The following TSNARE1 variants were observed in gnomAD, a reference collection of about 807,000 sequenced individuals.
TSNARE1 encodes the protein t-SNARE domain-containing protein 1.
In TSNARE1, 49 loss-of-function variants were observed where a neutral mutation model predicts 62.0. The observed-to-expected ratio is 0.79, with a 90% CI of 0.63 to 1.00. The LOEUF (loss-of-function observed/expected upper bound fraction) is 1.00, where lower values mean the gene tolerates loss of function less well. TSNARE1 is among the 50% of genes least tolerant of loss of function. TSNARE1 has a pLI of 0.00. For missense variants in TSNARE1, 755 were observed against 700.1 expected (o/e 1.08, Z -0.88); for synonymous variants, 328 against 294.4 (o/e 1.11, Z -1.17).
intron 11 of TSNARE1, chr8:142,277,068 C>T (rs1820616820): frequency 8.1e-6 from 8 of 985,390 alleles, no homozygotes; most frequent in Non-Finnish European, 8.4e-6. Context: ...TACTGAGCGA[C>T]ACTCCAATAC....
At chr8:142,386,337 G>A (rs1244291359) in intron 1 of TSNARE1, among the ~76,000 whole-genome samples, 1 of 152,040 alleles carries the variant, frequency 6.6e-6, no homozygotes, top group Non-Finnish European at 1.5e-5. Flanking sequence ...AGGCATTTAT[G>A]AATTACATAA....
intron 12 of TSNARE1, chr8:142,247,574 G>A (rs1194879060): frequency 1.3e-5 from 2 of 152,252 alleles, no homozygotes; most frequent in African/African-American, 4.8e-5. Flanking sequence ...TCTCGCCCAT[G>A]TGATGTTTTA....
At chr8:142,215,198 C>T (rs1232769124) in intron 13 of TSNARE1, among the ~76,000 whole-genome samples, 1 of 152,212 alleles carries the variant, frequency 6.6e-6, no homozygotes. Context: ...GTTTCCAACT[C>T]CCAGGCACTG....
intron 13 of TSNARE1, among the ~76,000 whole-genome samples, chr8:142,223,314 T>C (rs1816577790): frequency 2.6e-4 from 2 of 7,592 alleles, no homozygotes; most frequent in Admixed American, 1.3e-3. Flanking sequence ...ACTCATTCAC[T>C]CACTCATTCA....
chr8:142,223,949 G>GCCCTGTCTTGTA (rs56243627), intron 13 of TSNARE1, among the ~76,000 whole-genome samples: 1 of 151,888 alleles, frequency 6.6e-6, no homozygotes, highest in Non-Finnish European at 1.5e-5. Context: ...ACCCAGGGGA[G>GCCCTGTCTTGTA]GGCTTTCTGC....
intron 13 of TSNARE1, among the ~76,000 whole-genome samples, chr8:142,212,661 C>A: frequency 6.6e-6 from 1 of 152,060 alleles, no homozygotes; most frequent in Non-Finnish European, 1.5e-5. Context: ...CGGAGCTCCC[C>A]AGGCCCAGTA....
rs71513659 is a variant in TSNARE1, at chr8:142,358,015, G to A, written c.-39-3252C>T. Among the ~76,000 whole-genome samples the A allele has an allele frequency of 2.3e-3, 227 of 99,824 alleles. 1 individual carries two copies. Among genetic ancestry groups the A allele is most frequent in the African/African-American group, 0.01 (189 of 18,092 alleles). The allele number at this position is 99,824 out of a possible 152,430, so 65.5% of individuals were successfully genotyped here. On this transcript the variant is annotated intron_variant, in intron 1 of 13. Transcript: ENST00000524325. ...AGCGGCCATCACTGCAAAGGGCGGC[G>A]GGGTCTGCTGGGTTTCAGGACAAGG...
At chr8:142,313,513 A>T (rs1186573839) in intron 9 of TSNARE1, among the ~76,000 whole-genome samples, 2 of 150,566 alleles carry the variant, frequency 1.3e-5, no homozygotes, top group East Asian at 3.9e-4. Context: ...GCATGTGTCT[A>T]CATGTCTGTG....
chr8:142,232,808 G>A (rs961166231), intron 12 of TSNARE1, among the ~76,000 whole-genome samples: 8 of 152,354 alleles, frequency 5.3e-5, no homozygotes, highest in African/African-American at 1.9e-4. Flanking sequence ...AGAGGCAGAG[G>A]CAGAGGCAGG....
chr8:142,277,649 A>C (rs1439944437), intron 11 of TSNARE1: 4 of 985,322 alleles, frequency 4.1e-6, no homozygotes, highest in Non-Finnish European at 4.8e-6. Context: ...TCAACACGTC[A>C]GTTGCTGTCA....
In TSNARE1 at chr8:142,276,342, G is replaced by T. The variant is rs992854531; in HGVS notation, c.1364-1479C>A. ...GAGCCAATGGAGGAGGAGAGGGAAG[G>T]AAGATGGGGCCAGAGGTGTGACGGA... On this transcript the variant is annotated intron_variant, in intron 11 of 13. Coordinates refer to ENST00000524325, the MANE Select transcript of TSNARE1 (RefSeq NM_145003.5). 1.7e-5 allele frequency: 17 copies of T among 985,480 alleles called. No individual in the cohort carries two copies. In the African/African-American group the frequency reaches 3.0e-4, roughly 17 times the overall value. 61.0% of individuals were successfully genotyped at this position (985,480 alleles called of 1,614,324 possible). A position where few individuals can be genotyped will look rare whatever the true frequency, so the allele number is the denominator to read the frequency against.
intron 12 of TSNARE1, among the ~76,000 whole-genome samples, chr8:142,249,637 T>C (rs894763864): frequency 2.6e-5 from 4 of 152,178 alleles, no homozygotes; most frequent in African/African-American, 9.7e-5. Context: ...CACCTCTCCC[T>C]CCTCCGCCCA....
chr8:142,303,981 T>C (rs1177363472), intron 9 of TSNARE1, among the ~76,000 whole-genome samples: 1 of 152,230 alleles, frequency 6.6e-6, no homozygotes, highest in Non-Finnish European at 1.5e-5. Context: ...AAAGGGCACC[T>C]TGCCCAGGTC....
chr8:142,222,687 C>T (rs1816419031), intron 13 of TSNARE1, among the ~76,000 whole-genome samples: 1 of 61,898 alleles, frequency 1.6e-5, no homozygotes, highest in African/African-American at 4.8e-5. Flanking sequence ...CACTCATCCA[C>T]TCACTCACTC....
intron 12 of TSNARE1, among the ~76,000 whole-genome samples, chr8:142,255,722 T>C (rs980784427): frequency 9.6e-4 from 11 of 11,496 alleles, no homozygotes; most frequent in Admixed American, 1.5e-3. Flanking sequence ...ATCATCACCA[T>C]CACCACCACC....
intron 9 of TSNARE1, among the ~76,000 whole-genome samples, chr8:142,307,660 T>A (rs1259880545): frequency 1.3e-5 from 2 of 152,230 alleles, no homozygotes; most frequent in Admixed American, 1.3e-4. Flanking sequence ...CTGCCATCTT[T>A]TAAAAATATT....
intron 12 of TSNARE1, chr8:142,269,897 A>G (rs1235502280): frequency 5.1e-6 from 5 of 985,322 alleles, no homozygotes; most frequent in Admixed American, 6.1e-5. Flanking sequence ...TTACTGACAC[A>G]TTGCTGGCTC....
At chr8:142,328,474 C>A (rs551490931) in intron 6 of TSNARE1, among the ~76,000 whole-genome samples, 11 of 152,352 alleles carry the variant, frequency 7.2e-5, no homozygotes, top group South Asian at 2.1e-4. Context: ...CTAAAGGACC[C>A]AATGCGTAAG....
intron 11 of TSNARE1, chr8:142,278,461 C>T: frequency 1.0e-6 from 1 of 985,484 alleles, no homozygotes; most frequent in Non-Finnish European, 1.2e-6. Context: ...CTTCCAGCAG[C>T]TCCCAGGAAG....
Sources: gnomAD v4.1 joint callset for allele counts (sites outside exome capture counted in the v4.1 genomes callset) on GRCh38, gnomAD v4.1.1 for gene constraint, MANE v1.5 for transcripts, NCBI Gene and HGNC (gene_info 2026-07-23, HGNC 2026-07-21) for gene names.